Variants in RPS6KC1 observed in about 807,000 individuals in gnomAD.
RPS6KC1 encodes the protein ribosomal protein S6 kinase C1, also known as inactive ribosomal protein S6 kinase delta-1.
A neutral mutation model predicts 103.8 loss-of-function variants in RPS6KC1; 54 were observed. The ratio of observed to expected loss-of-function variants is 0.52; its 90% CI spans 0.42 to 0.65. RPS6KC1 has a LOEUF of 0.65. Ranked by LOEUF, RPS6KC1 falls within the 30% of genes least tolerant of loss-of-function variation. The pLI is 0.00. For missense variants in RPS6KC1, 1,151 were observed against 1,253.8 expected (o/e 0.92, Z 1.24); for synonymous variants, 439 against 438.7 (o/e 1.00, Z -0.01).
rs561710888 is a variant in RPS6KC1, at chr1:213,167,447, C to T, written c.836-411C>T. Among the ~76,000 whole-genome samples, 153 of 96,118 alleles carry T rather than the reference C, an allele frequency of 1.6e-3. 1 individual carries two copies. The highest frequency in any genetic ancestry group is 5.9e-3 in the African/African-American group (146 of 24,906). The allele number at this position is 96,118 out of a possible 152,430, so 63.1% of individuals were successfully genotyped here. ...AAAAAACCAAGGTTGAAAACACACA[C>T]ACACACACACACACACACACACACA... is the stretch of plus-strand genomic sequence containing the variant. On this transcript the variant is annotated intron_variant, in intron 6 of 14. Transcript: ENST00000366960.
At chr1:213,708,886 TC>T in the RPS6KC1 span, among the ~76,000 whole-genome samples, 7 of 152,232 alleles carry the variant, frequency 4.6e-5, no homozygotes, top group Non-Finnish European at 7.3e-5. Flanking sequence ...CAGCCTTGCA[TC>T]CCAGGGATGA....
At chr1:213,569,215 G>C in the RPS6KC1 span, among the ~76,000 whole-genome samples, 1 of 152,162 alleles carries the variant, frequency 6.6e-6, no homozygotes, top group African/African-American at 2.4e-5. Flanking sequence ...TTGCTGACTT[G>C]TCTGAGGTTG....
At chr1:213,086,321 C>G (rs1366425813) in intron 3 of RPS6KC1, among the ~76,000 whole-genome samples, 1 of 152,198 alleles carries the variant, frequency 6.6e-6, no homozygotes, top group African/African-American at 2.4e-5. Context: ...GCCTTTCAGC[C>G]TGGATCTGCT....
chr1:213,650,311 A>G, the RPS6KC1 span, among the ~76,000 whole-genome samples: 1 of 152,358 alleles, frequency 6.6e-6, no homozygotes, highest in East Asian at 1.9e-4. Context: ...AATTTGTGCA[A>G]CAAATATCAC....
the RPS6KC1 span, among the ~76,000 whole-genome samples, chr1:213,391,361 G>A: frequency 6.6e-6 from 1 of 152,138 alleles, no homozygotes; most frequent in African/African-American, 2.4e-5. Context: ...AGTGCTGAGA[G>A]CAAGAGACCA....
chr1:213,340,032 A>C, the RPS6KC1 span, among the ~76,000 whole-genome samples: 1 of 152,098 alleles, frequency 6.6e-6, no homozygotes, highest in Non-Finnish European at 1.5e-5. Context: ...AGCTGGGATT[A>C]CAGGCATGCG....
At chr1:213,762,264 A>T in the RPS6KC1 span, among the ~76,000 whole-genome samples, 2 of 152,258 alleles carry the variant, frequency 1.3e-5, no homozygotes, top group East Asian at 3.9e-4. Context: ...AGCCTTCCTG[A>T]CAACTCAGCA....
At chr1:213,722,901 G>A in the RPS6KC1 span, among the ~76,000 whole-genome samples, 15 of 152,294 alleles carry the variant, frequency 9.8e-5, no homozygotes, top group Admixed American at 7.8e-4. Context: ...TATTCTGGCC[G>A]GGCAAGGTGG....
chr1:213,169,440 T>G (rs1487282512), intron 7 of RPS6KC1, among the ~76,000 whole-genome samples: 1 of 152,218 alleles, frequency 6.6e-6, no homozygotes, highest in Non-Finnish European at 1.5e-5. Context: ...ATTTTCAGAT[T>G]GTGAATTACT....
chr1:213,195,846 G>GTGTGTGTGTGTGTGTA (rs553713944), intron 8 of RPS6KC1, among the ~76,000 whole-genome samples: 4 of 150,944 alleles, frequency 2.6e-5, no homozygotes, highest in African/African-American at 9.8e-5. Context: ...GTGTGTGTGT[G>GTGTGTGTGTGTGTGTA]TATATATATA....
the RPS6KC1 span, among the ~76,000 whole-genome samples, chr1:213,519,856 A>T: frequency 1.4e-3 from 209 of 152,330 alleles, no homozygotes; most frequent in African/African-American, 4.8e-3. Flanking sequence ...CAATTGTAGC[A>T]TAAATAATAC....
At chr1:213,862,472 G>A in the RPS6KC1 span, among the ~76,000 whole-genome samples, 2 of 152,146 alleles carry the variant, frequency 1.3e-5, no homozygotes, top group African/African-American at 4.8e-5. Flanking sequence ...TTTATTTCTG[G>A]TCATAAAGGA....
At chr1:213,571,679 A>G in the RPS6KC1 span, among the ~76,000 whole-genome samples, 3 of 152,222 alleles carry the variant, frequency 2.0e-5, no homozygotes, top group South Asian at 2.1e-4. Context: ...CCGGACTCCA[A>G]AGCTGATGCA....
chr1:213,787,883 A>C, the RPS6KC1 span, among the ~76,000 whole-genome samples: 1 of 152,152 alleles, frequency 6.6e-6, no homozygotes, highest in Non-Finnish European at 1.5e-5. Context: ...GTGGGGTGGA[A>C]CTGATCTTTG....
At chr1:213,262,998 G>A (rs2094834040) in intron 14 of RPS6KC1, among the ~76,000 whole-genome samples, 182 bp downstream of exon 14, 1 of 152,122 alleles carries the variant, frequency 6.6e-6, no homozygotes, top group African/African-American at 2.4e-5. Context: ...TATTGATGGG[G>A]TCAGAGAGTA....
intron 3 of RPS6KC1, 60 bp from the exon 4 acceptor site, chr1:213,104,394 C>A: frequency 9.0e-7 from 1 of 1,110,174 alleles, no homozygotes; most frequent in Non-Finnish European, 1.4e-6. Context: ...TGGACGTAAA[C>A]TATCATAAAC....
chr1:213,142,544 A>G (rs1257702230), intron 6 of RPS6KC1, among the ~76,000 whole-genome samples: 1 of 151,774 alleles, frequency 6.6e-6, no homozygotes, highest in African/African-American at 2.4e-5. Context: ...TTATTTCTGG[A>G]TGTTTTCAGG....
At chr1:213,524,870 CCACTTTGAGCCTCT>C in the RPS6KC1 span, among the ~76,000 whole-genome samples, 1 of 152,202 alleles carries the variant, frequency 6.6e-6, no homozygotes, top group African/African-American at 2.4e-5. Flanking sequence ...CTAACAACCC[CCACTTTGAGCCTCT>C]CACAATTACT....
the RPS6KC1 span, among the ~76,000 whole-genome samples, chr1:213,344,953 T>C: frequency 2.0e-5 from 3 of 152,204 alleles, no homozygotes; most frequent in South Asian, 2.1e-4. Context: ...TAGTAGCCAC[T>C]CCAGTATTTG....
Sources: gnomAD v4.1 joint callset for allele counts (sites outside exome capture counted in the v4.1 genomes callset) on GRCh38, gnomAD v4.1.1 for gene constraint, MANE v1.5 for transcripts, NCBI Gene and HGNC (gene_info 2026-07-23, HGNC 2026-07-21) for gene names.